The following DENND4A variants were observed in gnomAD, a reference collection of about 807,000 sequenced individuals.
DENND4A encodes C-myc promoter-binding protein.
Under a neutral mutation model 199.3 loss-of-function variants are expected in DENND4A, and 70 were observed. The ratio of observed to expected loss-of-function variants is 0.35; its 90% CI spans 0.29 to 0.43. DENND4A has a LOEUF of 0.43. Ranked by LOEUF, DENND4A falls within the 20% of genes least tolerant of loss-of-function variation. The pLI is 1.00. For missense variants in DENND4A, 1,723 were observed against 2,255.8 expected (o/e 0.76, Z 4.78); for synonymous variants, 686 against 766.9 (o/e 0.89, Z 1.74).
intron 14 of DENND4A, 22 bp from the exon 15 acceptor site, chr15:65,706,246 A>G (rs558522187): frequency 4.8e-6 from 7 of 1,469,762 alleles, no homozygotes; most frequent in Admixed American, 2.6e-5. Flanking sequence ...TTAAAAACAT[A>G]TATTAAAAAA....
chr15:65,779,431 G>C (rs1218920703), intron 1 of DENND4A, among the ~76,000 whole-genome samples: 1 of 146,592 alleles, frequency 6.8e-6, no homozygotes, highest in Non-Finnish European at 1.5e-5. Flanking sequence ...CTGGGAGATA[G>C]AGTGAGACTC....
At chr15:65,677,439 C>A (rs1175782121) in intron 23 of DENND4A, among the ~76,000 whole-genome samples, 1 of 151,870 alleles carries the variant, frequency 6.6e-6, no homozygotes, top group Non-Finnish European at 1.5e-5. Context: ...TTACTCCTGA[C>A]CTCAAGTGAT....
chr15:65,730,414 G>A (rs1035822785), intron 9 of DENND4A, among the ~76,000 whole-genome samples: 1 of 152,018 alleles, frequency 6.6e-6, no homozygotes, highest in African/African-American at 2.4e-5. Context: ...TTGGTGAAAT[G>A]AAAACATATG....
chr15:65,748,665 A>T (rs574513061), intron 4 of DENND4A, among the ~76,000 whole-genome samples: 1 of 151,816 alleles, frequency 6.6e-6, no homozygotes, highest in South Asian at 2.1e-4. Flanking sequence ...AAAAGAAAGA[A>T]AGAAATTAAA....
intron 5 of DENND4A, 132 bp from the exon 6 acceptor site, chr15:65,739,007 A>ATATATATGTTCAT (rs2076182354): frequency 1.3e-5 from 8 of 605,190 alleles, no homozygotes; most frequent in African/African-American, 1.9e-5. Context: ...TCATCAAATA[A>ATATATATGTTCAT]CACTGAATAC....
intron 7 of DENND4A, among the ~76,000 whole-genome samples, chr15:65,734,837 T>C (rs2076066231): frequency 1.3e-5 from 2 of 152,150 alleles, no homozygotes; most frequent in African/African-American, 2.4e-5. Context: ...ATCCCAGCAC[T>C]TTGGGAGGCT....
At chr15:65,697,208 G>A (rs1431225440) in intron 21 of DENND4A, 59 bp downstream of exon 21, 3 of 1,070,350 alleles carry the variant, frequency 2.8e-6, no homozygotes, top group South Asian at 3.0e-5. Flanking sequence ...AAAATCACCT[G>A]CATTTTCTAT....
chr15:65,707,824 T>C (rs2075111989), intron 14 of DENND4A, among the ~76,000 whole-genome samples: 1 of 152,048 alleles, frequency 6.6e-6, no homozygotes. Context: ...TAGCTGGGAC[T>C]ACAAGTGCGT....
At chr15:65,755,024 G>GGT (rs2076663974) in intron 3 of DENND4A, among the ~76,000 whole-genome samples, 1 of 152,176 alleles carries the variant, frequency 6.6e-6, no homozygotes, top group Non-Finnish European at 1.5e-5. Flanking sequence ...ATCAACAGAT[G>GGT]AATAAACTGT....
At chr15:65,764,990 A>G (rs1248694948) in intron 1 of DENND4A, among the ~76,000 whole-genome samples, 1 of 151,932 alleles carries the variant, frequency 6.6e-6, no homozygotes, top group Non-Finnish European at 1.5e-5. Context: ...AAAAAAAAAA[A>G]AGTAACATTT....
In DENND4A at chr15:65,676,764, C is replaced by T. The variant is rs1596403470; in HGVS notation, c.4180-130G>A. 4.3e-6 allele frequency: 3 copies of T among 694,776 alleles called. No homozygotes were observed. In the East Asian group the frequency reaches 8.7e-5, roughly 20 times the overall value. The allele number at this position is 694,776 out of a possible 1,614,324, so 43.0% of individuals were successfully genotyped here. A position where few individuals can be genotyped will look rare whatever the true frequency, so the allele number is the denominator to read the frequency against. On this transcript the variant is annotated intron_variant, in intron 23 of 32. Transcript: ENST00000443035. ...ATCAGCTGAACTAATATTACAACAT[C>T]TAGAGAAAAAAACAAGCAATTTTAC...
intron 2 of DENND4A, among the ~76,000 whole-genome samples, chr15:65,758,974 T>A (rs2076783912): frequency 6.6e-6 from 1 of 152,200 alleles, no homozygotes; most frequent in Admixed American, 6.5e-5. Flanking sequence ...TAAACAATCT[T>A]CCCTTGTAGA....
At chr15:65,766,723 C>G (rs1319717380) in intron 1 of DENND4A, 3 of 152,164 alleles carry the variant, frequency 2.0e-5, no homozygotes, top group African/African-American at 7.2e-5. Flanking sequence ...AGTGATCATC[C>G]ATTAAATCCC....
intron 1 of DENND4A, among the ~76,000 whole-genome samples, chr15:65,785,250 A>G (rs1283309349): frequency 6.6e-6 from 1 of 151,862 alleles, no homozygotes; most frequent in Non-Finnish European, 1.5e-5. Context: ...TTATAATTCC[A>G]GCACTTTGGG....
At chr15:65,731,390 C>T in intron 9 of DENND4A, 1 of 410,750 alleles carries the variant, frequency 2.4e-6, no homozygotes, top group Non-Finnish European at 4.8e-6. Context: ...TACATAAATA[C>T]ACACACACAC....
At position 65,709,719 on chromosome 15, in the gene DENND4A, A is replaced by AATATATAT. The variant is rs1555422997; in HGVS notation, c.1954-3503_1954-3496dup. 1.7e-3 allele frequency among the ~76,000 whole-genome samples: 86 copies of AATATATAT among 51,450 alleles called. No individual in the cohort carries two copies. The East Asian group carries it at 0.036, about 22-fold the overall frequency. 33.8% of individuals were successfully genotyped at this position (51,450 alleles called of 152,430 possible). On this transcript the variant is annotated intron_variant, in intron 14 of 32. Transcript: ENST00000443035. ...TCAAAAAAAAAAAAAAAAAAAAAAA[A>AATATATAT]ATATATATATATATATATATATAAT...
intron 9 of DENND4A, 118 bp from the exon 10 acceptor site, chr15:65,729,796 G>C (rs1177204308): frequency 2.2e-6 from 2 of 912,894 alleles, no homozygotes; most frequent in Non-Finnish European, 3.1e-6. Flanking sequence ...TGTTGATTAG[G>C]GTACAATTTG....
intron 13 of DENND4A, among the ~76,000 whole-genome samples, chr15:65,717,053 T>C (rs1386507920): frequency 2.0e-5 from 3 of 152,228 alleles, no homozygotes; most frequent in Non-Finnish European, 4.4e-5. Flanking sequence ...CCTTCCGTGA[T>C]ATGAGGTTGT....
Position 65,660,260 on chromosome 15 carries a change from T to C in DENND4A, c.*1591A>G. ...TAACTGAAGTTTTACATTTTTAAAC[T>C]CTCTCCATTATTTCCCAGAGTTGGA... On this transcript the variant is annotated 3_prime_UTR_variant, in exon 33 of 33. Coordinates refer to ENST00000443035, the MANE Select transcript of DENND4A (RefSeq NM_001320835.1). 2 of 1,531,888 alleles carry C rather than the reference T, an allele frequency of 1.3e-6. No homozygotes were observed. Among genetic ancestry groups the C allele is most frequent in the Non-Finnish European group, 1.7e-6 (2 of 1,143,556 alleles). 94.9% of individuals were successfully genotyped at this position (1,531,888 alleles called of 1,614,324 possible). A position where few individuals can be genotyped will look rare whatever the true frequency, so the allele number is the denominator to read the frequency against.
Sources: allele counts gnomAD v4.1 joint callset (sites outside exome capture counted in the v4.1 genomes callset), GRCh38; gene constraint gnomAD v4.1.1; transcripts MANE v1.5; gene names NCBI Gene and HGNC (gene_info 2026-07-23, HGNC 2026-07-21).